The following ENTR1 variants were observed in gnomAD, a reference collection of about 807,000 sequenced individuals.
The protein encoded by ENTR1 is endosome-associated-trafficking regulator 1.
Under a neutral mutation model 47.9 loss-of-function variants are expected in ENTR1, and 47 were observed. The ratio of observed to expected loss-of-function variants is 0.98; its 90% CI spans 0.78 to 1.25. ENTR1 has a LOEUF of 1.25. Among genes scored for constraint, ENTR1 ranks in the 50% most tolerant of loss-of-function variants. The pLI, the probability that ENTR1 is intolerant of heterozygous loss-of-function variation, is 0.00. For synonymous variants in ENTR1, 290 were observed against 245.8 expected (o/e 1.18, Z -1.68); for missense variants, 668 against 570.5 (o/e 1.17, Z -1.74).
chr9:136,409,804 T>C, intron 2 of ENTR1: 1 of 547,956 alleles, frequency 1.8e-6, no homozygotes, highest in Non-Finnish European at 3.5e-6. Flanking sequence ...CACTGCCCAC[T>C]AGGTGAAGGC....
rs1242407755 is a variant in ENTR1, at chr9:136,407,895, A to G, written c.333T>C (p.Phe111=). The change falls in exon 4 of 10, where the codon TTT becomes TTC. Residue 111 remains phenylalanine, a synonymous_variant. Transcript: ENST00000357365. ...EDLEEANPFS[F]REFLKTKNLG... is the part of the protein sequence containing the mutation. ...GGTTCTTGGTCTTCAGAAACTCTCT[A>G]AAAGAGAATGGATTTGCCTCTTCCA... 1 of 1,613,088 alleles carries G rather than the reference A, an allele frequency of 6.2e-7. No homozygotes were observed.
intron 3 of ENTR1, among the ~76,000 whole-genome samples, 182 bp from the exon 4 acceptor site, chr9:136,408,120 A>T (rs1834870814): frequency 6.6e-6 from 1 of 152,200 alleles, no homozygotes; most frequent in African/African-American, 2.4e-5. Context: ...GCAGTGACAC[A>T]GACGTGCGTC....
At chr9:136,408,222 A>T (rs953588179) in intron 3 of ENTR1, among the ~76,000 whole-genome samples, 1 of 152,020 alleles carries the variant, frequency 6.6e-6, no homozygotes, top group Non-Finnish European at 1.5e-5. Context: ...AAAACGACCC[A>T]AGCCACTCCA....
chr9:136,407,720 C>G (rs370910123), intron 4 of ENTR1, 106 bp downstream of exon 4: 10 of 1,358,402 alleles, frequency 7.4e-6, no homozygotes, highest in Non-Finnish European at 9.3e-6. Flanking sequence ...CCAGCACTGA[C>G]GCCTGCCTGC....
In ENTR1 at chr9:136,410,602, C is replaced by T. The variant is rs577844497; in HGVS notation, c.-205G>A. On this transcript the variant is annotated 5_prime_UTR_variant, in exon 1 of 10. Transcript: ENST00000357365. Reference sequence around the variant, plus strand: ...CGCGTGCCTGAACGCCTTGGGCCGTCGGCGAGGGGGAGGGGAAGCCGTGGG... The same window carrying T: ...CGCGTGCCTGAACGCCTTGGGCCGTTGGCGAGGGGGAGGGGAAGCCGTGGG... 2 of 1,281,878 alleles carry T rather than the reference C, an allele frequency of 1.6e-6. No homozygotes were observed. The highest frequency in any genetic ancestry group is 5.4e-5 in the South Asian group (2 of 36,850). The allele number at this position is 1,281,878 out of a possible 1,614,324, so 79.4% of individuals were successfully genotyped here. A position where few individuals can be genotyped will look rare whatever the true frequency, so the allele number is the denominator to read the frequency against.
At chr9:136,408,778 T>C (rs1383679707) in intron 3 of ENTR1, among the ~76,000 whole-genome samples, 1 of 152,200 alleles carries the variant, frequency 6.6e-6, no homozygotes, top group Non-Finnish European at 1.5e-5. Flanking sequence ...CATGTAAAGC[T>C]GGCTCCTGTG....
chr9:136,404,283 G>C, intron 8 of ENTR1, 89 bp from the exon 9 acceptor site: 1 of 1,511,838 alleles, frequency 6.6e-7, no homozygotes, highest in Non-Finnish European at 8.9e-7. Context: ...CTTACCCGTG[G>C]GGGCCTGGCA....
chr9:136,403,011 G>A lies in ENTR1; in HGVS notation c.1209-124C>T, dbSNP rs539957622. 6.2e-5 allele frequency: 39 copies of A among 634,072 alleles called. No individual in the cohort carries two copies. In the African/African-American group the frequency reaches 6.9e-4, roughly 11 times the overall value. The allele number at this position is 634,072 out of a possible 1,614,324, so 39.3% of individuals were successfully genotyped here. On this transcript the variant is annotated intron_variant, in intron 9 of 9. Coordinates refer to ENST00000357365, the MANE Select transcript of ENTR1 (RefSeq NM_001039707.2). ...GGAGGGGTTCCAAGGGGTAGGGAAA[G>A]GGGAGAGGTTCTGAGTGGGAGGAAG...
At position 136,407,523 on chromosome 9, in the gene ENTR1, G is replaced by T; in HGVS notation, c.441C>A (p.Ser147=). 6.2e-7 allele frequency: 1 copy of T among 1,610,758 alleles called. No individual in the cohort carries two copies. The highest frequency in any genetic ancestry group is 8.5e-7 in the Non-Finnish European group (1 of 1,179,526). ...SRHSLGLDHN[S]PPSQTGGYGL... ...CATACCCGCCGGTTTGGGAGGGTGG[G>T]GAGTTGTGGTCAAGTCCCAGGGAAT... Residue 147 remains serine (S), a synonymous_variant, in exon 5 of 10, where the codon TCC becomes TCA. Transcript: ENST00000357365.
chr9:136,407,206 G>C lies in ENTR1; in HGVS notation c.758C>G (p.Ala253Gly). 6.2e-7 allele frequency: 1 copy of C among 1,612,728 alleles called. No homozygotes were observed. The highest frequency in any genetic ancestry group is 8.5e-7 in the Non-Finnish European group (1 of 1,179,746). Reference sequence around the variant, plus strand: ...GTCTCCCAGAGACTCTCCATGAACCGCAAAGTCTGCGCTAGGACTCCCTGC... The same window carrying C: ...GTCTCCCAGAGACTCTCCATGAACCCCAAAGTCTGCGCTAGGACTCCCTGC... ...SPAGSPSADF[A>G]VHGESLGDRH... The change falls in exon 5 of 10, where the codon GCG becomes GGG. Residue 253 changes from alanine to glycine, a missense_variant. Ala to Gly is a moderately conservative substitution (Grantham distance 60, BLOSUM62 0). Coordinates refer to ENST00000357365, the MANE Select transcript of ENTR1 (RefSeq NM_001039707.2).
At position 136,410,336 on chromosome 9, in the gene ENTR1, A is replaced by C. The variant is rs1835040833; in HGVS notation, c.62T>G (p.Ile21Ser). The stretch of plus-strand genomic sequence containing the variant: ...GCCCCTGCCCCGCTCACCGTCGGGA[A>C]TGGCGAGGCTCCGGGCTCGGGACAG... ...TPLSRARSLA[I>S]PDAPAFYERR... The change falls in exon 1 of 10, where the codon ATT (isoleucine) becomes AGT (serine). Residue 21 changes from isoleucine to serine, a missense_variant. Physicochemically the swap from Ile to Ser is moderately radical, Grantham distance 142. Transcript: ENST00000357365. 1.3e-6 allele frequency: 2 copies of C among 1,545,780 alleles called. No individual in the cohort carries two copies. Among genetic ancestry groups the C allele is most frequent in the African/African-American group, 1.4e-5 (1 of 72,832 alleles).
intron 5 of ENTR1, 22 bp from the exon 6 acceptor site, chr9:136,406,000 A>G: frequency 6.3e-7 from 1 of 1,583,942 alleles, no homozygotes; most frequent in Non-Finnish European, 8.6e-7. Context: ...GAACATCCTT[A>G]TTAGAAAGTC....
chr9:136,408,713 T>C (rs1032233460), intron 3 of ENTR1, among the ~76,000 whole-genome samples: 15 of 152,142 alleles, frequency 9.9e-5, no homozygotes, highest in Admixed American at 7.8e-4. Context: ...TGCCACCGCC[T>C]TCCCACCCTC....
rs1437823175 is a variant in ENTR1, at chr9:136,410,454, C to G, written c.-57G>C. ...AGCCCGGCAGCGGCGGCTCCATGGC[C>G]CCGGCTCCGCCCGTGCCGCGGCCCG... On this transcript the variant is annotated 5_prime_UTR_variant, in exon 1 of 10. Coordinates refer to ENST00000357365, the MANE Select transcript of ENTR1 (RefSeq NM_001039707.2). The G allele has an allele frequency of 9.5e-7, 1 of 1,056,724 alleles. No individual in the cohort carries two copies. Among genetic ancestry groups the G allele is most frequent in the Non-Finnish European group, 1.1e-6 (1 of 871,378 alleles). The allele number at this position is 1,056,724 out of a possible 1,614,324, so 65.5% of individuals were successfully genotyped here.
intron 9 of ENTR1, among the ~76,000 whole-genome samples, chr9:136,403,636 A>T (rs1588781481): frequency 6.6e-6 from 1 of 152,074 alleles, no homozygotes; most frequent in Non-Finnish European, 1.5e-5. Flanking sequence ...AGCTCAGCCC[A>T]ATGGGTGGCA....
chr9:136,409,472 C>T (rs944809817), intron 2 of ENTR1, among the ~76,000 whole-genome samples: 1 of 152,152 alleles, frequency 6.6e-6, no homozygotes, highest in Admixed American at 6.5e-5. Context: ...TAAGCCACTG[C>T]GCCCGGTCAG....
intron 3 of ENTR1, among the ~76,000 whole-genome samples, chr9:136,408,764 G>C (rs987328401): frequency 6.6e-6 from 1 of 152,168 alleles, no homozygotes; most frequent in African/African-American, 2.4e-5. Context: ...CCAGCTGTGA[G>C]CCCCATGTAA....
In ENTR1 at chr9:136,405,164, A is replaced by C; in HGVS notation, c.932T>G (p.Ile311Ser). ...GTCGTGGTAGTCGCTTTCCTCCTTGATCATTTTTGCTTCTAACTTCCGCTC... is the reference window on the plus strand; with the variant it reads ...GTCGTGGTAGTCGCTTTCCTCCTTGCTCATTTTTGCTTCTAACTTCCGCTC... Reference protein sequence around the residue: ...TLERKLEAKMIKEESDYHDLE... With the variant: ...TLERKLEAKMSKEESDYHDLE... The change falls in exon 7 of 10, where the codon ATC (isoleucine) becomes AGC (serine). Residue 311 changes from isoleucine to serine, a missense_variant. Transcript: ENST00000357365. 6.2e-7 allele frequency: 1 copy of C among 1,614,004 alleles called. No homozygotes were observed. The highest frequency in any genetic ancestry group is 1.1e-5 in the South Asian group (1 of 91,078).
Position 136,410,179 on chromosome 9 carries a change from C to T in ENTR1, c.131G>A (p.Gly44Asp), listed in dbSNP as rs574290168. The T allele has an allele frequency of 1.8e-5, 29 of 1,609,238 alleles. No individual in the cohort carries two copies. The African/African-American group carries it at 3.3e-4, about 18-fold the overall frequency. The change falls in exon 2 of 10, where the codon GGC (glycine) becomes GAC (aspartate). Residue 44 changes from glycine to aspartate, a missense_variant. Transcript: ENST00000357365. ...LPQLNCERPH[G>D]RDLDSPFFGI... is the part of the protein sequence containing the mutation. The stretch of plus-strand genomic sequence containing the variant: ...GAAGAAGGGGGAGTCCAGGTCCCTG[C>T]CATGGGGGCGCTCACAATTTAGCTG...
Sources: gnomAD v4.1 joint callset for allele counts (sites outside exome capture counted in the v4.1 genomes callset) on GRCh38, gnomAD v4.1.1 for gene constraint, MANE v1.5 for transcripts, NCBI Gene and HGNC (gene_info 2026-07-23, HGNC 2026-07-21) for gene names.